ALOX12B: variants seen among roughly 807,000 people sequenced by gnomAD.
ALOX12B encodes the protein arachidonate 12-lipoxygenase, 12R-type.
ALOX12B carries 47 observed loss-of-function variants against 78.9 expected under a neutral mutation model. The ratio of observed to expected loss-of-function variants is 0.60; its 90% confidence interval spans 0.47 to 0.76. The LOEUF (loss-of-function observed/expected upper bound fraction) is 0.76. Among genes scored for constraint, ALOX12B ranks in the 30% least tolerant of loss-of-function variants. ALOX12B has a pLI of 0.00. For synonymous variants in ALOX12B, 370 were observed against 374.5 expected (o/e 0.99, Z 0.14); for missense variants, 805 against 922.6 (o/e 0.87, Z 1.65).
intron 1 of ALOX12B, among the ~76,000 whole-genome samples, chr17:8,087,012 A>C (rs150350173): frequency 8.9e-4 from 136 of 152,184 alleles, no homozygotes; most frequent in African/African-American, 3.2e-3. Flanking sequence ...GTTAGAGATG[A>C]AGGAGCAGGA....
chr17:8,076,039 ACCCCAGGCCCCTT>A, intron 11 of ALOX12B, 123 bp downstream of exon 11: 1 of 1,193,872 alleles, frequency 8.4e-7, no homozygotes. Context: ...GGACACACAG[ACCCCAGGCCCCTT>A]CCCCAAGGCC....
At position 8,081,162 on chromosome 17, in the gene ALOX12B, G is replaced by A. The variant is rs1440901510; in HGVS notation, c.378C>T (p.Leu126=). 1.9e-6 allele frequency: 3 copies of A among 1,613,870 alleles called. No homozygotes were observed. Among genetic ancestry groups the A allele is most frequent in the Non-Finnish European group, 2.5e-6 (3 of 1,180,012 alleles). ...ATGKTTADDS[L]PVLLEHRKEE... ...CTTTTCTGTGCTCCAGGAGGACGGG[G>A]AGCGAGTCATCTGCTGTTGTCTTTC... The change falls in exon 3 of 15, where the codon CTC becomes CTT. Residue 126 remains leucine (L), a synonymous_variant. Coordinates refer to ENST00000647874, the MANE Select transcript of ALOX12B (RefSeq NM_001139.3).
chr17:8,085,979 C>G, intron 2 of ALOX12B, 37 bp downstream of exon 2: 1 of 1,609,814 alleles, frequency 6.2e-7, no homozygotes, highest in Non-Finnish European at 8.5e-7. Flanking sequence ...CTAGAGGCCT[C>G]ACGGCCATAG....
Position 8,080,135 on chromosome 17 carries a change from G to A in ALOX12B, c.754+100C>T, listed in dbSNP as rs906508343. 4.7e-6 allele frequency: 7 copies of A among 1,487,394 alleles called. No homozygotes were observed. The African/African-American group carries it at 8.3e-5, about 18-fold the overall frequency. The allele number at this position is 1,487,394 out of a possible 1,614,324, so 92.1% of individuals were successfully genotyped here. On this transcript the variant is annotated intron_variant, in intron 6 of 14. Coordinates refer to ENST00000647874, the MANE Select transcript of ALOX12B (RefSeq NM_001139.3). This position sits in a 1 kb window ranked among gnomAD's most constrained non-coding sequence, Gnocchi z 4.8. ...CCGCCAGAGGGCGCGCGCGCGCCTC[G>A]CTGCCTCTCCCGTCCCACTGCCCCG...
In ALOX12B at chr17:8,080,776, T is replaced by C. The variant is rs750336528; in HGVS notation, c.532A>G (p.Asn178Asp). 6.2e-7 allele frequency: 1 copy of C among 1,614,068 alleles called. No homozygotes were observed. The highest frequency in any genetic ancestry group is 8.5e-7 in the Non-Finnish European group (1 of 1,180,010). ...ATTGGGAATCCCGGAATATAGCCAT[T>C]CCACCTGTGGGGAGAAGCGCAGGGC... ...RHRNPNRPEW[N>D]GYIPGFPILI... Residue 178 changes from asparagine to aspartate, a missense_variant, in exon 5 of 15, where the codon AAT (asparagine) becomes GAT (aspartate). Coordinates refer to ENST00000647874, the MANE Select transcript of ALOX12B (RefSeq NM_001139.3). The surrounding 1 kb of genome is among the most constrained non-coding windows in gnomAD (Gnocchi z 4.8).
At chr17:8,078,961 G>A (rs905506747) in intron 8 of ALOX12B, among the ~76,000 whole-genome samples, 3 of 142,916 alleles carry the variant, frequency 2.1e-5, no homozygotes, top group Non-Finnish European at 3.0e-5. Flanking sequence ...GCAGTGGCAT[G>A]ATCTAGGCTC....
chr17:8,087,631 C>A lies in ALOX12B; in HGVS notation c.-189G>T. ...AGCCAAATTCTGGAAAAGCTGCTGC[C>A]CTTGGTGGCCGGGGTGGGTGCCGGG... On this transcript the variant is annotated 5_prime_UTR_variant, in exon 1 of 15. Coordinates refer to ENST00000647874, the MANE Select transcript of ALOX12B (RefSeq NM_001139.3). The A allele has an allele frequency of 1.0e-6, 1 of 971,760 alleles. No homozygotes were observed. Among genetic ancestry groups the A allele is most frequent in the East Asian group, 2.7e-5 (1 of 37,662 alleles). The allele number at this position is 971,760 out of a possible 1,614,324, so 60.2% of individuals were successfully genotyped here.
At position 8,076,674 on chromosome 17, in the gene ALOX12B, C is replaced by A. The variant is rs1342884275; in HGVS notation, c.1345G>T (p.Gly449Trp). ...AGTCTTACCTTGGCAGAGAGCCCCC[C>A]CTCATTGAGGAGAACGGCCCGGCCA... ...SIGRAVLLNE[G>W]GLSAKGMSLG... Residue 449 changes from glycine (G) to tryptophan (W), a missense_variant, in exon 10 of 15, where the codon GGG becomes TGG. By Grantham distance (184) the Gly-to-Trp change is radical. Transcript: ENST00000647874. 1.3e-6 allele frequency: 2 copies of A among 1,551,464 alleles called. No individual in the cohort carries two copies. Among genetic ancestry groups the A allele is most frequent in the Admixed American group, 2.0e-5 (1 of 51,012 alleles).
intron 8 of ALOX12B, among the ~76,000 whole-genome samples, chr17:8,077,897 G>A (rs144409324): frequency 1.3e-5 from 2 of 152,248 alleles, no homozygotes; most frequent in South Asian, 2.1e-4. Context: ...GGGCATACAA[G>A]TACAGCTGGC....
chr17:8,079,614 G>A lies in ALOX12B; in HGVS notation c.928-75C>T. 1.3e-6 allele frequency: 2 copies of A among 1,540,368 alleles called. No individual in the cohort carries two copies. The highest frequency in any genetic ancestry group is 1.2e-5 in the South Asian group (1 of 83,340). ...CGTGACCCGCGCCGCAGGTGCACAG[G>A]GCGCTGGCGACTAGGGGCAGGGGTG... is the stretch of plus-strand genomic sequence containing the variant. On this transcript the variant is annotated intron_variant, in intron 7 of 14. Transcript: ENST00000647874. The surrounding 1 kb of genome is among the most constrained non-coding windows in gnomAD (Gnocchi z 6.4).
At chr17:8,073,832 T>C (rs1381841412) in intron 12 of ALOX12B, 75 bp from the exon 13 acceptor site, 2 of 1,182,912 alleles carry the variant, frequency 1.7e-6, no homozygotes, top group African/African-American at 3.0e-5. Context: ...GGCGCCACCA[T>C]GCCCCGCTCT....
At chr17:8,077,307 T>C in intron 8 of ALOX12B, 114 bp from the exon 9 acceptor site, 2 of 1,097,432 alleles carry the variant, frequency 1.8e-6, no homozygotes, top group Non-Finnish European at 2.7e-6. Flanking sequence ...ACTCCTAAGC[T>C]CCGGTCCCAC....
chr17:8,082,841 C>T (rs1038647867), intron 2 of ALOX12B, among the ~76,000 whole-genome samples: 3 of 152,156 alleles, frequency 2.0e-5, no homozygotes, highest in Non-Finnish European at 4.4e-5. Context: ...TGAGGCTGGT[C>T]CCCAACACCA....
chr17:8,083,007 C>A (rs1292360468), intron 2 of ALOX12B, among the ~76,000 whole-genome samples: 2 of 152,128 alleles, frequency 1.3e-5, no homozygotes, highest in East Asian at 3.9e-4. Context: ...ACAACAAATT[C>A]ATTGGTTGAC....
At chr17:8,081,639 C>T (rs1977219812) in intron 2 of ALOX12B, 1 of 224,480 alleles carries the variant, frequency 4.5e-6, no homozygotes, top group African/African-American at 2.3e-5. Flanking sequence ...TTTGCTATGT[C>T]CATGTGTACA....
chr17:8,072,926 T>C lies in ALOX12B; in HGVS notation c.1951A>G (p.Ile651Val), dbSNP rs1410545453. Residue 651 changes from isoleucine (I) to valine (V), a missense_variant, in exon 15 of 15, where the codon ATT becomes GTT. By Grantham distance (29) the Ile-to-Val change is conservative. Coordinates refer to ENST00000647874, the MANE Select transcript of ALOX12B (RefSeq NM_001139.3). The stretch of plus-strand genomic sequence containing the variant: ...CGCGGGGCCTCCTCCACGAAGTGAA[T>C]GTCCGGGAAGTGTCCCAGGGGCCGC... ...DRRPLGHFPDIHFVEEAPRRS... is the reference protein window; with the variant it reads ...DRRPLGHFPDVHFVEEAPRRS... 2 of 1,613,516 alleles carry C rather than the reference T, an allele frequency of 1.2e-6. No homozygotes were observed. Among genetic ancestry groups the C allele is most frequent in the East Asian group, 2.2e-5 (1 of 44,880 alleles).
rs778419457 is a variant in ALOX12B at position 8,077,222 on chromosome 17, G to T, written c.1072-29C>A. On this transcript the variant is annotated intron_variant, in intron 8 of 14. Transcript: ENST00000647874. ...GGTGTGGTGAAAGAGAAAGGGTTGG[G>T]TGAGGGCAGAGACCCACACACATAA... is the stretch of plus-strand genomic sequence containing the variant. 2.5e-6 allele frequency: 4 copies of T among 1,589,374 alleles called. No homozygotes were observed. The East Asian group carries it at 9.2e-5, about 37-fold the overall frequency.
At chr17:8,077,399 C>T (rs1044413438) in intron 8 of ALOX12B, among the ~76,000 whole-genome samples, 5 of 152,222 alleles carry the variant, frequency 3.3e-5, no homozygotes, top group Admixed American at 2.6e-4. Context: ...CAGTACCTTC[C>T]TCTTGCCCCT....
rs891600794 is a variant in ALOX12B, at chr17:8,080,600, G to T, written c.650+58C>A. ...GCTGTCTTGGAGGCCGCCAAGGTTG[G>T]GGGAGAGGGAAAGTTCTTGCAGGAG... is the stretch of plus-strand genomic sequence containing the variant. On this transcript the variant is annotated intron_variant, in intron 5 of 14. Transcript: ENST00000647874. The surrounding 1 kb of genome is among the most constrained non-coding windows in gnomAD (Gnocchi z 4.8). 2 of 1,612,772 alleles carry T rather than the reference G, an allele frequency of 1.2e-6. No individual in the cohort carries two copies. The highest frequency in any genetic ancestry group is 1.7e-6 in the Non-Finnish European group (2 of 1,179,492).
Sources: allele counts gnomAD v4.1 joint callset (sites outside exome capture counted in the v4.1 genomes callset), GRCh38; gene constraint gnomAD v4.1.1; non-coding constraint Gnocchi (gnomAD v3.1); transcripts MANE v1.5; gene names NCBI Gene and HGNC (gene_info 2026-07-23, HGNC 2026-07-21).